Variants in TDRD9 observed in about 807,000 individuals in gnomAD.
TDRD9 encodes ATP-dependent RNA helicase TDRD9.
TDRD9 carries 124 observed loss-of-function variants against 172.6 expected under a neutral mutation model. The observed-to-expected ratio is 0.72, with a 90% confidence interval of 0.62 to 0.83. TDRD9 has a LOEUF of 0.83. Among genes scored for constraint, TDRD9 ranks in the 40% least tolerant of loss-of-function variants. The pLI, the probability that TDRD9 is intolerant of heterozygous loss-of-function variation, is 0.00. For synonymous variants in TDRD9, 619 were observed against 617.1 expected, an observed-to-expected ratio of 1.00 and a Z score of -0.05; for missense variants, 1,479 against 1,714.1, an observed-to-expected ratio of 0.86 and a Z score of 2.42.
At chr14:103,966,602 G>C in intron 4 of TDRD9, 107 bp from the exon 5 acceptor site, 1 of 1,130,116 alleles carries the variant, frequency 8.8e-7, no homozygotes, top group Non-Finnish European at 1.2e-6. Context: ...TGTATCTTTC[G>C]AAATACCTTA....
chr14:104,024,485 A>G (rs978471023), intron 24 of TDRD9, 84 bp from the exon 25 acceptor site: 1 of 673,318 alleles, frequency 1.5e-6, no homozygotes, highest in African/African-American at 1.9e-5. Context: ...ATATTAGAAT[A>G]GTTCAAGTGA....
In TDRD9 at chr14:103,981,356, C is replaced by G. The variant is rs575249215; in HGVS notation, c.1012-4861C>G. Among the ~76,000 whole-genome samples the G allele has an allele frequency of 3.9e-4, 59 of 152,330 alleles. 1 individual carries two copies. The highest frequency in any genetic ancestry group is 1.4e-3 in the African/African-American group (57 of 41,588). ...GCTTCCTTGTGGACCCGCTGAGGAG[C>G]TGGATCAGGCCTTGCCACTTGCTGT... On this transcript the variant is annotated intron_variant, in intron 7 of 35. Coordinates refer to ENST00000409874, the MANE Select transcript of TDRD9 (RefSeq NM_153046.3).
chr14:104,013,507 G>C (rs1012017431), intron 20 of TDRD9: 2 of 152,146 alleles, frequency 1.3e-5, no homozygotes, highest in African/African-American at 4.8e-5. Flanking sequence ...GTTTGCATTG[G>C]TTCCCATCTC....
intron 1 of TDRD9, among the ~76,000 whole-genome samples, chr14:103,949,051 G>T (rs1316766774): frequency 6.6e-6 from 1 of 152,196 alleles, no homozygotes; most frequent in East Asian, 1.9e-4. Context: ...TGGGTACAGA[G>T]ATTGTTTTAC....
chr14:103,934,025 A>G (rs1459815081), intron 1 of TDRD9, among the ~76,000 whole-genome samples: 1 of 151,666 alleles, frequency 6.6e-6, no homozygotes, highest in Non-Finnish European at 1.5e-5. Context: ...TTCACCCACA[A>G]AATCCACTTT....
Position 103,941,303 on chromosome 14 carries a change from G to T in TDRD9, c.215+12579G>T, listed in dbSNP as rs1045189085. On this transcript the variant is annotated intron_variant, in intron 1 of 35. Coordinates refer to ENST00000409874, the MANE Select transcript of TDRD9 (RefSeq NM_153046.3). ...CTCACCAGACATCTACACAGTTAAAGAATTTACATGATAGAATACAGTTTC... is the reference window on the plus strand; with the variant it reads ...CTCACCAGACATCTACACAGTTAAATAATTTACATGATAGAATACAGTTTC... 9.6e-6 allele frequency: 10 copies of T among 1,042,042 alleles called. 1 individual carries two copies. The Admixed American group carries it at 1.1e-4, about 12-fold the overall frequency. The allele number at this position is 1,042,042 out of a possible 1,614,324, so 64.5% of individuals were successfully genotyped here. A position where few individuals can be genotyped will look rare whatever the true frequency, so the allele number is the denominator to read the frequency against.
At chr14:104,012,365 C>T (rs565134410) in intron 20 of TDRD9, among the ~76,000 whole-genome samples, 15 of 152,216 alleles carry the variant, frequency 9.9e-5, no homozygotes, top group Non-Finnish European at 2.2e-4. Flanking sequence ...ACAGCCAGGC[C>T]TGCTGGATTA....
At chr14:104,034,346 A>C (rs1441619517) in intron 31 of TDRD9, among the ~76,000 whole-genome samples, 1 of 151,646 alleles carries the variant, frequency 6.6e-6, no homozygotes, top group Non-Finnish European at 1.5e-5. Flanking sequence ...ACCTGCCACC[A>C]TGCCTGGCTA....
intron 30 of TDRD9, among the ~76,000 whole-genome samples, chr14:104,033,673 G>T (rs568256471): frequency 6.6e-6 from 1 of 152,196 alleles, no homozygotes; most frequent in East Asian, 1.9e-4. Flanking sequence ...GGAGGTGGAG[G>T]TTCGGGCATC....
chr14:103,956,964 G>A (rs1385617229), intron 2 of TDRD9, among the ~76,000 whole-genome samples: 4 of 152,126 alleles, frequency 2.6e-5, no homozygotes, highest in Admixed American at 6.5e-5. Context: ...GCCATCCTGC[G>A]TATTAGTGTG....
chr14:103,980,902 C>T lies in TDRD9; in HGVS notation c.1012-5315C>T, dbSNP rs187997462. Among the ~76,000 whole-genome samples, 2 of 152,234 alleles carry T rather than the reference C, an allele frequency of 1.3e-5. No individual in the cohort carries two copies. The highest frequency in any genetic ancestry group is 4.8e-5 in the African/African-American group (2 of 41,540). On this transcript the variant is annotated intron_variant, in intron 7 of 35. Coordinates refer to ENST00000409874, the MANE Select transcript of TDRD9 (RefSeq NM_153046.3). The surrounding 1 kb of genome is among the most constrained non-coding windows in gnomAD (Gnocchi z 4.5). Reference sequence around the variant, plus strand: ...CACTTCTCACTATGTCCCCTCAGCTCCTGTCTCTGTATGGCCTGGTTTTTC... The same window carrying T: ...CACTTCTCACTATGTCCCCTCAGCTTCTGTCTCTGTATGGCCTGGTTTTTC...
At chr14:104,034,885 G>T in intron 31 of TDRD9, 75 bp from the exon 32 acceptor site, 1 of 1,130,424 alleles carries the variant, frequency 8.8e-7, no homozygotes, top group Non-Finnish European at 1.3e-6. Flanking sequence ...AGATGAGTAG[G>T]AGCGGGCCGG....
chr14:103,973,437 C>A (rs1257835644), intron 6 of TDRD9, among the ~76,000 whole-genome samples: 1 of 152,222 alleles, frequency 6.6e-6, no homozygotes, highest in Non-Finnish European at 1.5e-5. Context: ...CTCCTCTATA[C>A]CATCCTCCAG....
intron 20 of TDRD9, 106 bp downstream of exon 20, chr14:104,008,572 C>A: frequency 1.4e-6 from 1 of 735,704 alleles, no homozygotes; most frequent in South Asian, 1.8e-5. Context: ...ATGAGTATTC[C>A]AAGAAGTGTA....
At position 104,005,352 on chromosome 14, in the gene TDRD9, C is replaced by G. The variant is rs536481447; in HGVS notation, c.1660C>G (p.Leu554Val). The part of the protein sequence containing the change: ...GEPRALLATA[L>V]SPPGLSDIER... ...GCCGAGAGCTCTGCTGGCCACTGCC[C>G]TTTCCCCGCCTGGTCTGAGTGACAT... is the stretch of plus-strand genomic sequence containing the variant. Residue 554 changes from leucine to valine, a missense_variant, in exon 15 of 36, where the codon CTT (leucine) becomes GTT (valine). Coordinates refer to ENST00000409874, the MANE Select transcript of TDRD9 (RefSeq NM_153046.3). The G allele has an allele frequency of 3.7e-6, 6 of 1,613,872 alleles. No individual in the cohort carries two copies. The highest frequency in any genetic ancestry group is 5.1e-6 in the Non-Finnish European group (6 of 1,179,884).
intron 29 of TDRD9, among the ~76,000 whole-genome samples, chr14:104,031,635 G>A (rs958541326): frequency 6.6e-6 from 1 of 152,014 alleles, no homozygotes; most frequent in African/African-American, 2.4e-5. Context: ...GCTGGCCAGG[G>A]TGTCTCCTTG....
At chr14:104,007,801 G>A (rs534701143) in intron 19 of TDRD9, among the ~76,000 whole-genome samples, 4 of 150,400 alleles carry the variant, frequency 2.7e-5, no homozygotes, top group African/African-American at 4.9e-5. Context: ...TTTTTGAGAC[G>A]GAGTCTCGGT....
intron 7 of TDRD9, 108 bp from the exon 8 acceptor site, chr14:103,986,109 G>A: frequency 2.6e-6 from 2 of 763,634 alleles, no homozygotes; most frequent in Non-Finnish European, 4.4e-6. Context: ...TTTATTTAGA[G>A]AGTTTGTTAC....
chr14:103,945,024 A>G (rs1391055753), intron 1 of TDRD9, among the ~76,000 whole-genome samples: 2 of 152,240 alleles, frequency 1.3e-5, no homozygotes, highest in South Asian at 4.1e-4. Flanking sequence ...CCTAGTTCCT[A>G]CTCCCAAGGA....
Sources: gnomAD v4.1 joint callset for allele counts (sites outside exome capture counted in the v4.1 genomes callset) on GRCh38, gnomAD v4.1.1 for gene constraint, Gnocchi (gnomAD v3.1) non-coding constraint, MANE v1.5 for transcripts, NCBI Gene and HGNC (gene_info 2026-07-23, HGNC 2026-07-21) for gene names.